Variants in OSTF1 observed in about 807,000 individuals in gnomAD.
OSTF1 encodes the protein osteoclast stimulating factor 1.
Under a neutral mutation model 37.2 loss-of-function variants are expected in OSTF1, and 27 were observed. The observed-to-expected ratio is 0.73, with a 90% CI of 0.54 to 1.00. OSTF1 has a LOEUF of 1.00. Among genes scored for constraint, OSTF1 ranks in the 50% least tolerant of loss-of-function variants. The pLI, the probability that OSTF1 is intolerant of heterozygous loss-of-function variation, is 0.00. For synonymous variants in OSTF1, 82 were observed against 89.2 expected (o/e 0.92, Z 0.46); for missense variants, 232 against 253.8 (o/e 0.91, Z 0.58).
chr9:75,120,667 C>T (rs1161546552), intron 2 of OSTF1, among the ~76,000 whole-genome samples: 1 of 152,284 alleles, frequency 6.6e-6, no homozygotes, highest in South Asian at 2.1e-4. Context: ...TTAGCTCCTC[C>T]ATTCCATCTG....
intron 1 of OSTF1, among the ~76,000 whole-genome samples, chr9:75,113,606 G>A (rs1163700634): frequency 6.6e-6 from 1 of 152,034 alleles, no homozygotes; most frequent in Non-Finnish European, 1.5e-5. Context: ...ATGTCATCAT[G>A]CCTGGCTAAT....
intron 1 of OSTF1, among the ~76,000 whole-genome samples, chr9:75,102,468 A>G (rs186434739): frequency 4.7e-4 from 72 of 152,390 alleles, no homozygotes; most frequent in African/African-American, 1.7e-3. Flanking sequence ...TGAATCACTC[A>G]AAGTAAGGAT....
At chr9:75,135,352 A>G (rs1825825893) in intron 7 of OSTF1, among the ~76,000 whole-genome samples, 1 of 152,174 alleles carries the variant, frequency 6.6e-6, no homozygotes. Flanking sequence ...TTCTCTTGCT[A>G]AGAGTATTTA....
At chr9:75,111,893 G>A (rs1294484148) in intron 1 of OSTF1, among the ~76,000 whole-genome samples, 1 of 126,898 alleles carries the variant, frequency 7.9e-6, no homozygotes, top group African/African-American at 3.0e-5. Context: ...GTGTGATCTC[G>A]GCTCACTACC....
chr9:75,139,987 C>T (rs752880342), intron 8 of OSTF1, among the ~76,000 whole-genome samples: 6 of 152,030 alleles, frequency 3.9e-5, no homozygotes, highest in Admixed American at 1.3e-4. Flanking sequence ...CCTAAGTGCC[C>T]GTCAATACAG....
At chr9:75,118,118 A>G (rs1053906126) in intron 2 of OSTF1, among the ~76,000 whole-genome samples, 2 of 152,230 alleles carry the variant, frequency 1.3e-5, no homozygotes, top group Non-Finnish European at 2.9e-5. Flanking sequence ...AGAGACAGAG[A>G]GTAACAGACA....
intron 7 of OSTF1, 127 bp downstream of exon 7, chr9:75,134,522 G>T: frequency 3.5e-6 from 2 of 565,580 alleles, no homozygotes; most frequent in Non-Finnish European, 6.3e-6. Context: ...AATTATAATT[G>T]TACTAAAATT....
At chr9:75,094,446 T>C (rs550858453) in intron 1 of OSTF1, among the ~76,000 whole-genome samples, 1 of 152,100 alleles carries the variant, frequency 6.6e-6, no homozygotes, top group South Asian at 2.1e-4. Flanking sequence ...GTAGCTTTAC[T>C]ACAAAGTAGC....
chr9:75,127,320 T>G (rs1825676597), intron 2 of OSTF1, among the ~76,000 whole-genome samples: 1 of 152,208 alleles, frequency 6.6e-6, no homozygotes, highest in Non-Finnish European at 1.5e-5. Flanking sequence ...TTGCTTTGGT[T>G]GTAGAAGAAT....
rs780515776 is a variant in OSTF1, at chr9:75,130,600, G to C, written c.155G>C (p.Gly52Ala). 4.3e-6 allele frequency: 7 copies of C among 1,611,646 alleles called. No individual in the cohort carries two copies. The South Asian group carries it at 4.4e-5, about 10-fold the overall frequency. The change falls in exon 4 of 10, where the codon GGC (glycine) becomes GCC (alanine). Residue 52 changes from glycine (G) to alanine (A), a missense_variant. By Grantham distance (60) the Gly-to-Ala change is moderately conservative. Coordinates refer to ENST00000346234, the MANE Select transcript of OSTF1 (RefSeq NM_012383.5). ...CAGAGCGATACCAATTGGTGGAAAGGCACCTCCAAAGGCAGGACTGGACTA... is the reference window on the plus strand; with the variant it reads ...CAGAGCGATACCAATTGGTGGAAAGCCACCTCCAAAGGCAGGACTGGACTA... ...TDMSDTNWWK[G>A]TSKGRTGLIP...
intron 1 of OSTF1, among the ~76,000 whole-genome samples, chr9:75,090,446 T>C (rs544275004): frequency 6.6e-6 from 1 of 152,296 alleles, no homozygotes; most frequent in South Asian, 2.1e-4. Flanking sequence ...AGAAAGCTTA[T>C]GGTTAAACAT....
intron 1 of OSTF1, among the ~76,000 whole-genome samples, chr9:75,102,111 C>A (rs1179017180): frequency 6.6e-6 from 1 of 152,120 alleles, no homozygotes; most frequent in Non-Finnish European, 1.5e-5. Flanking sequence ...TTACTGTAGG[C>A]GCACATTACT....
chr9:75,092,248 C>G (rs1046196917), intron 1 of OSTF1, among the ~76,000 whole-genome samples: 1 of 152,198 alleles, frequency 6.6e-6, no homozygotes. Context: ...AGGGAAGTCC[C>G]GGGCAGATGC....
intron 1 of OSTF1, among the ~76,000 whole-genome samples, chr9:75,101,583 C>G (rs1261848133): frequency 6.6e-6 from 1 of 152,182 alleles, no homozygotes; most frequent in Admixed American, 6.5e-5. Context: ...GTTTTCTGAA[C>G]AAAGAGGGGC....
chr9:75,112,550 T>C (rs979412335), intron 1 of OSTF1, among the ~76,000 whole-genome samples: 1 of 152,250 alleles, frequency 6.6e-6, no homozygotes, highest in African/African-American at 2.4e-5. Flanking sequence ...ACAGATAGAA[T>C]ATTCATTTGC....
chr9:75,122,625 G>A (rs1825597926), intron 2 of OSTF1, among the ~76,000 whole-genome samples: 1 of 152,174 alleles, frequency 6.6e-6, no homozygotes. Flanking sequence ...CAGGTGGTGG[G>A]TAAGAGCAGG....
intron 1 of OSTF1, among the ~76,000 whole-genome samples, chr9:75,108,274 GAAAA>G (rs72050857): frequency 0.22 from 33,046 of 151,474 alleles, 3,680 homozygotes; most frequent in Admixed American, 0.24. Flanking sequence ...AAAAGAAAAA[GAAAA>G]AATTTGCTTT....
intron 9 of OSTF1, among the ~76,000 whole-genome samples, chr9:75,142,122 T>A (rs1825953540): frequency 6.6e-6 from 1 of 152,236 alleles, no homozygotes; most frequent in Non-Finnish European, 1.5e-5. Flanking sequence ...TTGAATATAG[T>A]GTAACTGCTA....
intron 1 of OSTF1, among the ~76,000 whole-genome samples, chr9:75,113,535 G>A (rs980536518): frequency 6.6e-6 from 1 of 150,592 alleles, no homozygotes; most frequent in Non-Finnish European, 1.5e-5. Flanking sequence ...TGCAACCTCC[G>A]CCTTCTGGGT....
Sources: allele counts gnomAD v4.1 joint callset (sites outside exome capture counted in the v4.1 genomes callset), GRCh38; gene constraint gnomAD v4.1.1; transcripts MANE v1.5; gene names NCBI Gene and HGNC (gene_info 2026-07-23, HGNC 2026-07-21).